NELL2: variants seen among roughly 807,000 people sequenced by gnomAD.
NELL2 encodes neural EGFL like 2.
NELL2 carries 41 observed loss-of-function variants against 109.6 expected under a neutral mutation model. The observed-to-expected ratio is 0.37, with a 90% confidence interval of 0.29 to 0.49. The LOEUF (loss-of-function observed/expected upper bound fraction) is 0.49. NELL2 is among the 20% of genes least tolerant of loss of function. The pLI is 0.98. For missense variants in NELL2, 900 were observed against 1,008.3 expected (o/e 0.89, Z 1.45); for synonymous variants, 355 against 344.7 (o/e 1.03, Z -0.33).
chr12:44,815,763 C>T (rs558234197), intron 3 of NELL2: 15 of 301,466 alleles, frequency 5.0e-5, no homozygotes, highest in Admixed American at 3.1e-4. Flanking sequence ...GGACTACAGG[C>T]GCGCGCCACC....
intron 3 of NELL2, among the ~76,000 whole-genome samples, chr12:44,797,739 A>C (rs1441863327): frequency 6.6e-6 from 1 of 151,216 alleles, no homozygotes; most frequent in African/African-American, 2.4e-5. Flanking sequence ...CAACATTAAA[A>C]AAATAAAGTT....
intron 9 of NELL2, among the ~76,000 whole-genome samples, chr12:44,732,512 T>C (rs1939421844): frequency 6.6e-6 from 1 of 152,072 alleles, no homozygotes; most frequent in Middle Eastern, 3.4e-3. Flanking sequence ...TGCAGAAGAA[T>C]GAAATTAGAC....
At chr12:44,510,003 T>C (rs1940919038) in intron 19 of NELL2, among the ~76,000 whole-genome samples, 1 of 152,072 alleles carries the variant, frequency 6.6e-6, no homozygotes, top group East Asian at 1.9e-4. Flanking sequence ...TGAAATAGGA[T>C]AAATAGGCAG....
At chr12:44,756,612 G>T (rs1940902423) in intron 9 of NELL2, among the ~76,000 whole-genome samples, 1 of 152,068 alleles carries the variant, frequency 6.6e-6, no homozygotes, top group Non-Finnish European at 1.5e-5. Context: ...CATAAAAAAT[G>T]TTAAAAGCAT....
intron 13 of NELL2, among the ~76,000 whole-genome samples, chr12:44,634,561 C>G (rs189144238): frequency 1.7e-4 from 26 of 152,220 alleles, no homozygotes; most frequent in Non-Finnish European, 2.6e-4. Flanking sequence ...TTTTCTTTAT[C>G]CAGTCTATCA....
chr12:44,810,640 A>C (rs766923663), intron 3 of NELL2, among the ~76,000 whole-genome samples: 16 of 152,124 alleles, frequency 1.1e-4, no homozygotes, highest in Non-Finnish European at 2.4e-4. Context: ...CCAGTTCACA[A>C]AATTTCAGCC....
intron 9 of NELL2, among the ~76,000 whole-genome samples, chr12:44,718,110 T>C (rs1487823720): frequency 6.6e-6 from 1 of 152,148 alleles, no homozygotes; most frequent in Non-Finnish European, 1.5e-5. Context: ...TGTCCCTCCT[T>C]GAGATTATCA....
intron 13 of NELL2, among the ~76,000 whole-genome samples, chr12:44,651,895 A>G (rs1454572559): frequency 6.6e-6 from 1 of 152,184 alleles, no homozygotes; most frequent in Non-Finnish European, 1.5e-5. Context: ...TCTTCTAAGA[A>G]GGCTGTTACT....
intron 9 of NELL2, among the ~76,000 whole-genome samples, chr12:44,756,671 T>C (rs1940905468): frequency 6.6e-6 from 1 of 152,142 alleles, no homozygotes; most frequent in Non-Finnish European, 1.5e-5. Flanking sequence ...ACTTCCTACC[T>C]CCTAAAATAC....
intron 15 of NELL2, among the ~76,000 whole-genome samples, chr12:44,567,145 C>T (rs1943693894): frequency 1.3e-5 from 2 of 152,110 alleles, no homozygotes; most frequent in Admixed American, 1.3e-4. Flanking sequence ...GAGTTTTACA[C>T]CTTTAGTGAA....
At position 44,523,480 on chromosome 12, in the gene NELL2, A is replaced by C. The variant is rs973175341; in HGVS notation, c.1809T>G (p.Ile603Met). ...TGTGCCTCCCGGTCCCACACTCATC[A>C]ATATCTATAGACAAGAAAAAGCAGC... is the stretch of plus-strand genomic sequence containing the variant. ...FSPSGESCED[I>M]DECGTGRHSC... Residue 603 changes from isoleucine to methionine, a missense_variant, in exon 17 of 20, where the codon ATT becomes ATG. By Grantham distance (10) the Ile-to-Met change is conservative. Around this residue, in one of 4 missense-constraint regions of NELL2, gnomAD observed 333 missense variants for 432.3 expected, o/e 0.77. Coordinates refer to ENST00000429094, the MANE Select transcript of NELL2 (RefSeq NM_001145108.2). 1 of 1,613,076 alleles carries C rather than the reference A, an allele frequency of 6.2e-7. No homozygotes were observed. Among genetic ancestry groups the C allele is most frequent in the Non-Finnish European group, 8.5e-7 (1 of 1,179,958 alleles).
chr12:44,605,894 G>A (rs930950759), intron 15 of NELL2, among the ~76,000 whole-genome samples: 1 of 152,062 alleles, frequency 6.6e-6, no homozygotes, highest in Non-Finnish European at 1.5e-5. Context: ...AAACATGAGA[G>A]GACTACTGCA....
intron 2 of NELL2, among the ~76,000 whole-genome samples, chr12:44,859,599 G>T (rs1944779937): frequency 6.6e-6 from 1 of 152,124 alleles, no homozygotes; most frequent in South Asian, 2.1e-4. Flanking sequence ...GTTGTCTAAT[G>T]CCTCAGTTAT....
intron 12 of NELL2, among the ~76,000 whole-genome samples, chr12:44,685,404 G>T (rs904466809): frequency 2.0e-5 from 3 of 151,958 alleles, no homozygotes; most frequent in Non-Finnish European, 4.4e-5. Context: ...GCAGCATTTA[G>T]TCCATTGACA....
intron 3 of NELL2, among the ~76,000 whole-genome samples, chr12:44,785,001 T>A (rs1032565298): frequency 6.6e-6 from 1 of 152,324 alleles, no homozygotes; most frequent in East Asian, 1.9e-4. Context: ...TCACAACTCT[T>A]ATTCAACACC....
intron 13 of NELL2, among the ~76,000 whole-genome samples, chr12:44,628,351 C>T (rs1306661474): frequency 6.6e-6 from 1 of 152,134 alleles, no homozygotes; most frequent in African/African-American, 2.4e-5. Context: ...GCAGCATGCC[C>T]ACCCACATGG....
intron 9 of NELL2, among the ~76,000 whole-genome samples, chr12:44,771,023 T>A (rs903662694): frequency 1.2e-4 from 19 of 152,176 alleles, no homozygotes; most frequent in Non-Finnish European, 2.1e-4. Flanking sequence ...ATTTTTTTTT[T>A]AAACCTGGGT....
chr12:44,520,350 C>A, intron 18 of NELL2, 121 bp from the exon 19 acceptor site: 1 of 730,552 alleles, frequency 1.4e-6, no homozygotes, highest in Non-Finnish European at 2.2e-6. Context: ...GATATTTAAA[C>A]TTAGATCTAC....
intron 1 of NELL2, among the ~76,000 whole-genome samples, chr12:44,884,585 C>T (rs887681372): frequency 2.6e-5 from 4 of 151,830 alleles, no homozygotes; most frequent in African/African-American, 9.7e-5. Context: ...AGTTACATAA[C>T]AGAAAATAAA....
Sources: allele counts gnomAD v4.1 joint callset (sites outside exome capture counted in the v4.1 genomes callset), GRCh38; gene constraint gnomAD v4.1.1; regional missense constraint gnomAD v4.1.1; transcripts MANE v1.5; gene names NCBI Gene and HGNC (gene_info 2026-07-23, HGNC 2026-07-21).